GFRA1: variants seen among roughly 807,000 people sequenced by gnomAD.
GFRA1 encodes the protein GDNF family receptor alpha 1.
GFRA1 carries 16 observed loss-of-function variants against 51.6 expected under a neutral mutation model. The observed-to-expected ratio is 0.31, with a 90% CI of 0.21 to 0.47. The LOEUF is 0.47. Among genes scored for constraint, GFRA1 ranks in the 20% least tolerant of loss-of-function variants. The pLI is 1.00. For missense variants in GFRA1, 530 were observed against 594.3 expected (o/e 0.89, Z 1.13); for synonymous variants, 270 against 241.3 (o/e 1.12, Z -1.10).
chr10:116,065,546 C>A (rs376337481), intron 10 of GFRA1, 27 bp downstream of exon 10: 1 of 1,589,982 alleles, frequency 6.3e-7, no homozygotes, highest in East Asian at 2.2e-5. Context: ...TATAAATGCA[C>A]GAAGCCTCCA....
At chr10:116,186,182 G>A (rs920086143) in intron 5 of GFRA1, among the ~76,000 whole-genome samples, 17 of 152,164 alleles carry the variant, frequency 1.1e-4, no homozygotes, top group Non-Finnish European at 2.1e-4. Flanking sequence ...ACCGGAGATG[G>A]CACCAGGCTT....
rs550933740 is a variant in GFRA1 at position 116,104,302 on chromosome 10, T to C, written c.771-7538A>G. ...GGCCCCTGTGGCCAAGTACAGATCA[T>C]TTCCTGCTCCCCTCAAATCCCTGCT... is the stretch of plus-strand genomic sequence containing the variant. On this transcript the variant is annotated intron_variant, in intron 6 of 10. Transcript: ENST00000355422. Among the ~76,000 whole-genome samples the C allele has an allele frequency of 4.4e-4, 67 of 152,338 alleles. 1 individual carries two copies. The South Asian group carries it at 0.013, about 30-fold the overall frequency.
At chr10:116,179,148 T>G (rs1961960881) in intron 5 of GFRA1, among the ~76,000 whole-genome samples, 1 of 152,148 alleles carries the variant, frequency 6.6e-6, no homozygotes, top group Admixed American at 6.5e-5. Flanking sequence ...AATCACAGCC[T>G]CAGCACCAAA....
intron 9 of GFRA1, among the ~76,000 whole-genome samples, chr10:116,071,265 C>T (rs899956469): frequency 2.0e-5 from 3 of 152,152 alleles, no homozygotes; most frequent in Non-Finnish European, 2.9e-5. Context: ...CCTGCTCCCC[C>T]TGAAGATGCT....
At chr10:116,265,911 C>G (rs1969620618) in intron 4 of GFRA1, among the ~76,000 whole-genome samples, 1 of 152,164 alleles carries the variant, frequency 6.6e-6, no homozygotes, top group Non-Finnish European at 1.5e-5. Context: ...CCCCAGGGGC[C>G]AAAGGCTTCC....
intron 5 of GFRA1, among the ~76,000 whole-genome samples, chr10:116,125,963 A>C (rs1429193421): frequency 6.6e-6 from 1 of 152,250 alleles, no homozygotes; most frequent in Non-Finnish European, 1.5e-5. Flanking sequence ...ATTGCCATAC[A>C]ATCCTCCAAG....
rs1389995161 is a variant in GFRA1, at chr10:116,057,005, G to A, written c.*7393C>T. ...CCAAAGGGACTATGTACATTCTGTA[G>A]TGCTTGAGCAATAGGCTAACAGAAA... On this transcript the variant is annotated 3_prime_UTR_variant, in exon 11 of 11. Transcript: ENST00000355422. 6.6e-6 allele frequency: 1 copy of A among 152,124 alleles called. No homozygotes were observed. Among genetic ancestry groups the A allele is most frequent in the African/African-American group, 2.4e-5 (1 of 41,374 alleles). 9.4% of individuals were successfully genotyped at this position (152,124 alleles called of 1,614,324 possible).
intron 6 of GFRA1, among the ~76,000 whole-genome samples, chr10:116,116,004 G>C (rs1957396983): frequency 6.6e-6 from 1 of 152,116 alleles, no homozygotes; most frequent in Non-Finnish European, 1.5e-5. Context: ...CCCCCTTTGA[G>C]TACCCCCGCC....
intron 4 of GFRA1, among the ~76,000 whole-genome samples, chr10:116,241,529 T>TA (rs531187870): frequency 1.1e-4 from 17 of 152,342 alleles, no homozygotes; most frequent in Non-Finnish European, 2.2e-4. Context: ...CGATGAGCAT[T>TA]AATACATATT....
chr10:116,113,565 C>T (rs1957296739), intron 6 of GFRA1, among the ~76,000 whole-genome samples: 1 of 152,340 alleles, frequency 6.6e-6, no homozygotes, highest in East Asian at 1.9e-4. Context: ...TCCAATTCCA[C>T]TCTCCCTGGG....
At chr10:116,132,213 GAACA>G (rs955557454) in intron 5 of GFRA1, among the ~76,000 whole-genome samples, 16 of 151,980 alleles carry the variant, frequency 1.1e-4, no homozygotes, top group Admixed American at 8.5e-4. Context: ...GTGTCTCAAA[GAACA>G]AACAAACAAA....
intron 5 of GFRA1, among the ~76,000 whole-genome samples, chr10:116,153,764 T>G (rs565503537): frequency 6.6e-6 from 1 of 152,294 alleles, no homozygotes; most frequent in South Asian, 2.1e-4. Context: ...TAAGTAAACT[T>G]CTGTTCATCA....
chr10:116,157,030 T>C (rs1006584434), intron 5 of GFRA1, among the ~76,000 whole-genome samples: 4 of 152,174 alleles, frequency 2.6e-5, no homozygotes, highest in Non-Finnish European at 4.4e-5. Flanking sequence ...CAGACAACAA[T>C]GGACTCAGCT....
At chr10:116,084,773 C>T in intron 9 of GFRA1, among the ~76,000 whole-genome samples, 1 of 67,382 alleles carries the variant, frequency 1.5e-5, no homozygotes. Context: ...CACACACACA[C>T]ACACACACAC....
At chr10:116,096,886 C>A in intron 6 of GFRA1, 122 bp from the exon 7 acceptor site, 1 of 670,954 alleles carries the variant, frequency 1.5e-6, no homozygotes, top group Admixed American at 2.1e-5. Context: ...CACACGCACA[C>A]ACACACACAC....
chr10:116,203,353 C>T (rs1964488897), intron 5 of GFRA1, among the ~76,000 whole-genome samples: 3 of 152,154 alleles, frequency 2.0e-5, no homozygotes, highest in African/African-American at 7.2e-5. Flanking sequence ...TTCAAGCAGC[C>T]CCCACTCTCT....
chr10:116,186,189 G>A (rs1962701069), intron 5 of GFRA1, among the ~76,000 whole-genome samples: 1 of 152,150 alleles, frequency 6.6e-6, no homozygotes, highest in African/African-American at 2.4e-5. Flanking sequence ...ATGGCACCAG[G>A]CTTCACTGTA....
At chr10:116,167,062 G>A (rs1589839168) in intron 5 of GFRA1, among the ~76,000 whole-genome samples, 1 of 152,074 alleles carries the variant, frequency 6.6e-6, no homozygotes. Context: ...GCCTCCCAAA[G>A]TGCTGGGATT....
chr10:116,076,176 A>G (rs1955612777), intron 9 of GFRA1, among the ~76,000 whole-genome samples: 1 of 152,168 alleles, frequency 6.6e-6, no homozygotes, highest in Non-Finnish European at 1.5e-5. Context: ...GGGTACTATA[A>G]CATAGTACTG....
Sources: gnomAD v4.1 joint callset for allele counts (sites outside exome capture counted in the v4.1 genomes callset) on GRCh38, gnomAD v4.1.1 for gene constraint, MANE v1.5 for transcripts, NCBI Gene and HGNC (gene_info 2026-07-23, HGNC 2026-07-21) for gene names.